The following MAML3 variants were observed in gnomAD, a reference collection of about 807,000 sequenced individuals.
MAML3 encodes mastermind like transcriptional coactivator 3, also known as mastermind-like protein 3.
MAML3 carries 27 observed loss-of-function variants against 101.9 expected under a neutral mutation model. That is an observed-to-expected ratio of 0.27 (90% CI 0.20 to 0.37). The LOEUF (loss-of-function observed/expected upper bound fraction) is 0.37. Among genes scored for constraint, MAML3 ranks in the 10% least tolerant of loss-of-function variants. The pLI, the probability that MAML3 is intolerant of heterozygous loss-of-function variation, is 1.00. For synonymous variants in MAML3, 501 were observed against 555.9 expected (o/e 0.90, Z 1.39); for missense variants, 1,316 against 1,444.9 (o/e 0.91, Z 1.45).
rs779158170 is a variant in MAML3 at position 140,026,109 on chromosome 4, AT to A, written c.468+126750del. ...TATCCCTTAATGATTAGGAACCTCG[AT>A]TTTTTTTTCCAAGAAAATAACCATA... On this transcript the variant is annotated intron_variant, in intron 1 of 4. Coordinates refer to ENST00000509479, the MANE Select transcript of MAML3 (RefSeq NM_018717.5). 1.2e-4 allele frequency among the ~76,000 whole-genome samples: 18 copies of A among 151,642 alleles called. 1 individual carries two copies. In the South Asian group the frequency reaches 1.3e-3, roughly 11 times the overall value.
intron 1 of MAML3, among the ~76,000 whole-genome samples, chr4:140,123,185 A>G (rs775797778): frequency 3.3e-5 from 5 of 151,216 alleles, no homozygotes; most frequent in Non-Finnish European, 5.9e-5. Flanking sequence ...CTTTTCTACT[A>G]CAATGTGACT....
chr4:140,038,425 T>C (rs1727024496), intron 1 of MAML3, among the ~76,000 whole-genome samples: 1 of 152,186 alleles, frequency 6.6e-6, no homozygotes, highest in South Asian at 2.1e-4. Flanking sequence ...CCTACATGGC[T>C]TCTGATATTT....
intron 1 of MAML3, among the ~76,000 whole-genome samples, chr4:140,096,014 G>A (rs921995569): frequency 6.6e-6 from 1 of 152,164 alleles, no homozygotes; most frequent in Non-Finnish European, 1.5e-5. Context: ...ACACACAGCA[G>A]GTTCTCAGCA....
chr4:139,877,849 A>G (rs1412142846), intron 2 of MAML3, among the ~76,000 whole-genome samples: 1 of 152,246 alleles, frequency 6.6e-6, no homozygotes, highest in African/African-American at 2.4e-5. Context: ...GATTATTTAC[A>G]TGTATACATG....
At chr4:140,136,586 G>T (rs1239060228) in intron 1 of MAML3, among the ~76,000 whole-genome samples, 1 of 152,174 alleles carries the variant, frequency 6.6e-6, no homozygotes, top group Non-Finnish European at 1.5e-5. Flanking sequence ...TACGATATTA[G>T]GAGTAATTTA....
chr4:139,983,901 G>A (rs1734488111), intron 1 of MAML3, among the ~76,000 whole-genome samples: 1 of 152,182 alleles, frequency 6.6e-6, no homozygotes, highest in Admixed American at 6.5e-5. Flanking sequence ...TTCAGCTGCT[G>A]CAATGCAGGC....
At chr4:139,794,550 T>C (rs1578604600) in intron 2 of MAML3, 1 of 152,232 alleles carries the variant, frequency 6.6e-6, no homozygotes, top group Non-Finnish European at 1.5e-5. Context: ...ACTGCTTCCA[T>C]CTCCACCTTA....
chr4:139,879,892 G>T lies in MAML3; in HGVS notation c.2079+9465C>A, dbSNP rs547478720. Among the ~76,000 whole-genome samples the T allele has an allele frequency of 1.2e-4, 18 of 152,300 alleles. No individual in the cohort carries two copies. The South Asian group carries it at 3.7e-3, about 32-fold the overall frequency. On this transcript the variant is annotated intron_variant, in intron 2 of 4. Transcript: ENST00000509479. ...GGAGTGCAATTAAAACCTCTTTCGG[G>T]CTGGGTGTGGTGGCTCACGCCTGTA... is the stretch of plus-strand genomic sequence containing the variant.
At chr4:139,987,981 C>G (rs1432712594) in intron 1 of MAML3, among the ~76,000 whole-genome samples, 1 of 133,960 alleles carries the variant, frequency 7.5e-6, no homozygotes, top group Non-Finnish European at 1.5e-5. Context: ...GAGATCATGC[C>G]ACTGCACTCC....
intron 1 of MAML3, among the ~76,000 whole-genome samples, chr4:140,131,379 G>A (rs1012170973): frequency 6.6e-6 from 1 of 152,156 alleles, no homozygotes. Context: ...GTAGAGGGAA[G>A]AGCTCTGCAC....
chr4:139,835,930 G>A (rs1731249045), intron 2 of MAML3, among the ~76,000 whole-genome samples: 2 of 152,200 alleles, frequency 1.3e-5, no homozygotes, highest in South Asian at 4.1e-4. Context: ...AATTCAGGGA[G>A]CTGAGACTCA....
At chr4:139,826,498 G>C (rs1458165857) in intron 2 of MAML3, among the ~76,000 whole-genome samples, 1 of 152,192 alleles carries the variant, frequency 6.6e-6, no homozygotes, top group African/African-American at 2.4e-5. Context: ...AACATGGGTA[G>C]TATGGATAGA....
At chr4:139,901,271 T>C (rs1732713512) in intron 1 of MAML3, among the ~76,000 whole-genome samples, 1 of 152,246 alleles carries the variant, frequency 6.6e-6, no homozygotes, top group African/African-American at 2.4e-5. Flanking sequence ...AGAGCAAATG[T>C]GTGCATCCCA....
At chr4:139,800,566 A>G (rs1250135823) in intron 2 of MAML3, among the ~76,000 whole-genome samples, 1 of 152,230 alleles carries the variant, frequency 6.6e-6, no homozygotes, top group Non-Finnish European at 1.5e-5. Context: ...AGGAGAACAG[A>G]GAGCTGCACC....
chr4:140,054,783 C>T (rs1162093995), intron 1 of MAML3, among the ~76,000 whole-genome samples: 1 of 152,148 alleles, frequency 6.6e-6, no homozygotes, highest in East Asian at 1.9e-4. Flanking sequence ...TCAGTGGCCT[C>T]CAAGGCACCA....
chr4:140,073,822 G>C (rs1041874351), intron 1 of MAML3, among the ~76,000 whole-genome samples: 5 of 152,080 alleles, frequency 3.3e-5, no homozygotes, highest in Admixed American at 6.6e-5. Context: ...GTTTGGAGCA[G>C]GGAGCAAAGT....
chr4:140,079,050 T>G (rs1460194952), intron 1 of MAML3, among the ~76,000 whole-genome samples: 1 of 152,048 alleles, frequency 6.6e-6, no homozygotes, highest in East Asian at 1.9e-4. Flanking sequence ...CATGCTGGAG[T>G]TGATAAGAAG....
intron 2 of MAML3, among the ~76,000 whole-genome samples, chr4:139,827,540 A>G (rs947857646): frequency 2.1e-5 from 3 of 144,088 alleles, no homozygotes; most frequent in Non-Finnish European, 3.1e-5. Flanking sequence ...CTAGGGGGGA[A>G]AAAACAGAAA....
intron 1 of MAML3, among the ~76,000 whole-genome samples, chr4:139,905,000 A>G (rs1732794489): frequency 6.6e-6 from 1 of 152,232 alleles, no homozygotes; most frequent in African/African-American, 2.4e-5. Flanking sequence ...AAATGTCATT[A>G]TGTAGCACCT....
Sources: gnomAD v4.1 joint callset for allele counts (sites outside exome capture counted in the v4.1 genomes callset) on GRCh38, gnomAD v4.1.1 for gene constraint, MANE v1.5 for transcripts, NCBI Gene and HGNC (gene_info 2026-07-23, HGNC 2026-07-21) for gene names.